RC3H2: variants seen among roughly 807,000 people sequenced by gnomAD.
The protein encoded by RC3H2 is roquin-2.
Under a neutral mutation model 133.3 loss-of-function variants are expected in RC3H2, and 31 were observed. That is an observed-to-expected ratio of 0.23 (90% CI 0.17 to 0.31). The LOEUF (loss-of-function observed/expected upper bound fraction) is 0.31, where lower values mean the gene tolerates loss of function less well. RC3H2 is among the 10% of genes least tolerant of loss of function. The pLI is 1.00. For missense variants in RC3H2, 1,175 were observed against 1,437.2 expected, an observed-to-expected ratio of 0.82 and a Z score of 2.95; for synonymous variants, 517 against 502.2, an observed-to-expected ratio of 1.03 and a Z score of -0.40.
At chr9:122,853,479 C>T (rs899922435) in intron 18 of RC3H2, among the ~76,000 whole-genome samples, 46 of 152,076 alleles carry the variant, frequency 3.0e-4, no homozygotes, top group African/African-American at 8.7e-4. Flanking sequence ...CAGCCAGGCA[C>T]GGGGGCTCAC....
rs147012546 is a variant in RC3H2 at position 122,856,100 on chromosome 9, G to A, written c.2455-222C>T. Among the ~76,000 whole-genome samples, 1,024 of 151,880 alleles carry A rather than the reference G, an allele frequency of 6.7e-3. 9 individuals carry two copies. The highest frequency in any genetic ancestry group is 9.4e-3 in the South Asian group (45 of 4,802). On this transcript the variant is annotated intron_variant, in intron 13 of 20. Transcript: ENST00000357244. Reference sequence around the variant, plus strand: ...ACTTTGTCCTTTAAGTGCTCATATGGAACATTTGACTAATACTATCAAAAC... The same window carrying A: ...ACTTTGTCCTTTAAGTGCTCATATGAAACATTTGACTAATACTATCAAAAC...
intron 11 of RC3H2, 122 bp from the exon 12 acceptor site, chr9:122,859,224 C>A (rs1588059057): frequency 3.0e-6 from 2 of 658,938 alleles, no homozygotes; most frequent in Non-Finnish European, 4.5e-6. Flanking sequence ...CCTTACCTTA[C>A]CCTGCTTTAT....
intron 4 of RC3H2, among the ~76,000 whole-genome samples, chr9:122,888,084 G>A (rs1175190079): frequency 2.0e-5 from 3 of 152,152 alleles, no homozygotes; most frequent in Non-Finnish European, 2.9e-5. Flanking sequence ...CTTGGTTCTG[G>A]TGGCATTAAC....
intron 5 of RC3H2, among the ~76,000 whole-genome samples, chr9:122,882,075 CA>C (rs1166479144): frequency 1.3e-5 from 2 of 151,734 alleles, no homozygotes; most frequent in Non-Finnish European, 2.9e-5. Context: ...AGCAACAGAG[CA>C]AAAGTCTGTT....
At chr9:122,862,416 T>G (rs966745681) in intron 10 of RC3H2, among the ~76,000 whole-genome samples, 1 of 152,214 alleles carries the variant, frequency 6.6e-6, no homozygotes, top group Non-Finnish European at 1.5e-5. Flanking sequence ...ATTTTGCCTG[T>G]GCTGCCTTCT....
At chr9:122,860,369 A>C (rs78372719) in intron 10 of RC3H2, among the ~76,000 whole-genome samples, 2 of 151,018 alleles carry the variant, frequency 1.3e-5, no homozygotes, top group African/African-American at 4.9e-5. Context: ...CGATTCCCAG[A>C]TATTAACGTG....
At chr9:122,867,274 G>T (rs1348344600) in intron 9 of RC3H2, among the ~76,000 whole-genome samples, 1 of 114,584 alleles carries the variant, frequency 8.7e-6, no homozygotes, top group African/African-American at 3.4e-5. Flanking sequence ...CCGTCCGGGA[G>T]GGAGGTGGGG....
intron 1 of RC3H2, 58 bp from the exon 2 acceptor site, chr9:122,897,634 TAATTGC>T: frequency 8.2e-7 from 1 of 1,217,250 alleles, no homozygotes; most frequent in Non-Finnish European, 1.1e-6. Context: ...TTTGAAGAGT[TAATTGC>T]TTAAGTCAAC....
intron 4 of RC3H2, among the ~76,000 whole-genome samples, chr9:122,889,098 T>C (rs1368371262): frequency 6.6e-6 from 1 of 152,210 alleles, no homozygotes; most frequent in Non-Finnish European, 1.5e-5. Context: ...ACATACCTTA[T>C]ATATTAGTTA....
chr9:122,874,529 T>C (rs1411294959), intron 9 of RC3H2: 1 of 141,080 alleles, frequency 7.1e-6, no homozygotes, highest in Non-Finnish European at 1.5e-5. Context: ...TATTTATTTA[T>C]ATTTTTGAGA....
At chr9:122,867,448 G>T (rs1830754995) in intron 9 of RC3H2, among the ~76,000 whole-genome samples, 1 of 149,330 alleles carries the variant, frequency 6.7e-6, no homozygotes, top group African/African-American at 2.5e-5. Flanking sequence ...CCCCGTCCAG[G>T]AGGGAGGTGG....
chr9:122,875,001 A>G (rs897020319), intron 9 of RC3H2: 1 of 652,684 alleles, frequency 1.5e-6, no homozygotes, highest in African/African-American at 1.8e-5. Flanking sequence ...TTCTTCTCTG[A>G]CTTTTTTAGT....
rs1830604035 is a variant in RC3H2, at chr9:122,865,414, T to C, written c.1569A>G (p.Lys523=). ...STLRALETVK[K]VGKVGANGQN... ...GACCATTAGCGCCAACCTTTCCCAC[T>C]TTCTTCACGGTCTCCAGAGCTCTTA... The change falls in exon 10 of 21, where the codon AAA becomes AAG. Residue 523 remains lysine, a synonymous_variant. Transcript: ENST00000357244. 2 of 1,614,094 alleles carry C rather than the reference T, an allele frequency of 1.2e-6. No homozygotes were observed. The highest frequency in any genetic ancestry group is 1.3e-5 in the African/African-American group (1 of 74,950).
rs911431166 is a variant in RC3H2 at position 122,845,780 on chromosome 9, G to C, written c.*3847C>G. ...GTTCTTTTGTGTTCTGCTTGCAGAA[G>C]GGGTCCTTATGTAGAAGGAGTTACA... is the stretch of plus-strand genomic sequence containing the variant. On this transcript the variant is annotated 3_prime_UTR_variant, in exon 21 of 21. Transcript: ENST00000357244. 1 of 152,132 alleles carries C rather than the reference G, an allele frequency of 6.6e-6. No individual in the cohort carries two copies. The highest frequency in any genetic ancestry group is 2.4e-5 in the African/African-American group (1 of 41,426). 9.4% of individuals were successfully genotyped at this position (152,132 alleles called of 1,614,324 possible). A position where few individuals can be genotyped will look rare whatever the true frequency, so the allele number is the denominator to read the frequency against.
Position 122,897,024 on chromosome 9 carries a change from TAAAAAAAAAAAAA to T in RC3H2, c.231+242_231+254del, listed in dbSNP as rs139505008. 1.6e-4 allele frequency among the ~76,000 whole-genome samples: 6 copies of T among 37,056 alleles called. No homozygotes were observed. In the South Asian group the frequency reaches 4.5e-3, roughly 28 times the overall value. The allele number at this position is 37,056 out of a possible 152,430, so 24.3% of individuals were successfully genotyped here. ...CTGGGTGACAGAGTGAGACTCTGTC[TAAAAAAAAAAAAA>T]AAAAAAAAAAAAAGGCCACATAAGA... On this transcript the variant is annotated intron_variant, in intron 2 of 20. Transcript: ENST00000357244.
chr9:122,875,194 T>C (rs969834667), intron 9 of RC3H2: 1 of 1,551,010 alleles, frequency 6.4e-7, no homozygotes, highest in African/African-American at 1.4e-5. Flanking sequence ...CTCTAGGCAC[T>C]TCAAGTGGGG....
intron 14 of RC3H2, 99 bp downstream of exon 14, chr9:122,855,633 A>G (rs1361816683): frequency 7.3e-6 from 10 of 1,362,878 alleles, no homozygotes; most frequent in Non-Finnish European, 1.0e-5. Flanking sequence ...GTTATAAGGC[A>G]ACAATATGAA....
intron 9 of RC3H2, among the ~76,000 whole-genome samples, chr9:122,866,172 A>G (rs2131409746): frequency 6.6e-6 from 1 of 152,292 alleles, no homozygotes; most frequent in African/African-American, 2.4e-5. Flanking sequence ...AACAAACATT[A>G]CACAAAAATA....
chr9:122,886,664 T>G (rs1564312051), intron 4 of RC3H2, among the ~76,000 whole-genome samples: 3 of 152,202 alleles, frequency 2.0e-5, no homozygotes, highest in Admixed American at 1.3e-4. Context: ...CACTCCAACC[T>G]GAGCAATGGA....
Sources: gnomAD v4.1 joint callset for allele counts (sites outside exome capture counted in the v4.1 genomes callset) on GRCh38, gnomAD v4.1.1 for gene constraint, MANE v1.5 for transcripts, NCBI Gene and HGNC (gene_info 2026-07-23, HGNC 2026-07-21) for gene names.